Variants in RUVBL2 observed in about 807,000 individuals in gnomAD.
RUVBL2 encodes the protein RuvB like AAA ATPase 2.
Under a neutral mutation model 57.9 loss-of-function variants are expected in RUVBL2, and 9 were observed. The observed-to-expected ratio is 0.16, with a 90% confidence interval of 0.09 to 0.27. The LOEUF (loss-of-function observed/expected upper bound fraction) is 0.27, where lower values mean the gene tolerates loss of function less well. Among genes scored for constraint, RUVBL2 ranks in the 10% least tolerant of loss-of-function variants. RUVBL2 has a pLI of 1.00. For synonymous variants in RUVBL2, 278 were observed against 264.6 expected, an observed-to-expected ratio of 1.05 and a Z score of -0.49; for missense variants, 456 against 669.6, an observed-to-expected ratio of 0.68 and a Z score of 3.52.
Position 49,007,095 on chromosome 19 carries a change from A to G in RUVBL2, c.343A>G (p.Lys115Glu). The G allele has an allele frequency of 6.2e-7, 1 of 1,613,310 alleles. No individual in the cohort carries two copies. The highest frequency in any genetic ancestry group is 1.6e-4 in the Middle Eastern group (1 of 6,062). ...GSEIFSLEMS[K>E]TEALTQAFRR... is the part of the protein sequence containing the mutation. ...TGAAATCTTCTCCCTGGAGATGAGC[A>G]AGACCGAGGCGCTGACGCAGGCCTT... Residue 115 changes from lysine to glutamate, a missense_variant, in exon 5 of 15, where the codon AAG (lysine) becomes GAG (glutamate). This residue lies in a region of RUVBL2 where 233 missense variants were observed against 306.0 expected (regional missense o/e 0.76). Transcript: ENST00000595090.
chr19:49,006,979 C>A, intron 4 of RUVBL2, 39 bp from the exon 5 acceptor site: 1 of 1,601,604 alleles, frequency 6.2e-7, no homozygotes, highest in Non-Finnish European at 8.5e-7. Context: ...GGACCTGGTG[C>A]CAGAGCGGCT....
chr19:49,006,926 C>A, intron 4 of RUVBL2, 92 bp from the exon 5 acceptor site: 1 of 1,535,588 alleles, frequency 6.5e-7, no homozygotes, highest in Non-Finnish European at 8.8e-7. Context: ...ACCCTCTTTC[C>A]TGGGGTGGGA....
intron 11 of RUVBL2, 23 bp from the exon 12 acceptor site, chr19:49,014,461 C>A (rs1190016538): frequency 6.2e-7 from 1 of 1,609,222 alleles, no homozygotes; most frequent in Non-Finnish European, 8.5e-7. Flanking sequence ...CCTGACAGCC[C>A]CCTCTTTCTG....
chr19:49,004,617 A>G (rs1235459546), intron 4 of RUVBL2, among the ~76,000 whole-genome samples, 199 bp downstream of exon 4: 1 of 152,144 alleles, frequency 6.6e-6, no homozygotes, highest in Non-Finnish European at 1.5e-5. Flanking sequence ...GAAGTCTTCC[A>G]TCTTCCTGCC....
chr19:49,006,123 G>A (rs1352758766), intron 4 of RUVBL2, among the ~76,000 whole-genome samples: 1 of 152,250 alleles, frequency 6.6e-6, no homozygotes, highest in Non-Finnish European at 1.5e-5. Context: ...GATGGCATGG[G>A]CCGTGCTCGT....
rs1202539940 is a variant in RUVBL2 at position 49,011,088 on chromosome 19, C to G, written c.877C>G (p.Pro293Ala). ...WREEGKAEII[P>A]GVLFIDEVHM... ...CGAGGAGGGCAAGGCGGAGATCATC[C>G]CTGGAGTGAGGACCCAGGACATGGC... Residue 293 changes from proline (P) to alanine (A), a missense_variant, in exon 10 of 15, where the codon CCT (proline) becomes GCT (alanine). Pro to Ala is a conservative substitution (Grantham distance 27). This residue lies in a region of RUVBL2 where 130 missense variants were observed against 243.0 expected (regional missense o/e 0.53). Transcript: ENST00000595090. The surrounding 1 kb of genome is among the most constrained non-coding windows in gnomAD (Gnocchi z 4.4). 6.2e-7 allele frequency: 1 copy of G among 1,612,910 alleles called. No homozygotes were observed. Among genetic ancestry groups the G allele is most frequent in the South Asian group, 1.1e-5 (1 of 90,674 alleles).
Position 49,010,554 on chromosome 19 carries a change from C to G in RUVBL2, c.730C>G (p.Leu244Val), listed in dbSNP as rs748005433. Residue 244 changes from leucine (L) to valine (V), a missense_variant, in exon 9 of 15, where the codon CTG becomes GTG. This residue lies in a region of RUVBL2 where 233 missense variants were observed against 306.0 expected (regional missense o/e 0.76). Transcript: ENST00000595090. ...CAAGGAGGTGGTGCACACCGTGTCC[C>G]TGCACGAGATCGACGTCATCAACTC... is the stretch of plus-strand genomic sequence containing the variant. ...KRKEVVHTVSLHEIDVINSRT... is the reference protein window; with the variant it reads ...KRKEVVHTVSVHEIDVINSRT... The G allele has an allele frequency of 1.9e-6, 3 of 1,613,416 alleles. No individual in the cohort carries two copies. The highest frequency in any genetic ancestry group is 1.3e-5 in the African/African-American group (1 of 74,752).
chr19:49,004,097 CAG>C (rs2039235906), intron 3 of RUVBL2, 178 bp from the exon 4 acceptor site: 7 of 751,194 alleles, frequency 9.3e-6, no homozygotes, highest in South Asian at 1.9e-5. Flanking sequence ...GCCTGGGTGA[CAG>C]AGCGAGATCT....
rs1394166635 is a variant in RUVBL2 at position 49,011,336 on chromosome 19, G to A, written c.1001+26G>A. 2 of 1,578,626 alleles carry A rather than the reference G, an allele frequency of 1.3e-6. No individual in the cohort carries two copies. The highest frequency in any genetic ancestry group is 2.2e-5 in the East Asian group (1 of 44,740). ...GTGAGCCGGCTACAGGGGCCTCTGG[G>A]GAAAACAGGATGCTCTGGGCAGTGG... On this transcript the variant is annotated intron_variant, in intron 11 of 14. Coordinates refer to ENST00000595090, the MANE Select transcript of RUVBL2 (RefSeq NM_006666.3). This position sits in a 1 kb window ranked among gnomAD's most constrained non-coding sequence, Gnocchi z 4.4.
intron 4 of RUVBL2, 109 bp downstream of exon 4, chr19:49,004,527 T>G: frequency 9.3e-7 from 1 of 1,069,916 alleles, no homozygotes; most frequent in Non-Finnish European, 1.4e-6. Context: ...AAAATGGCAG[T>G]GGCTTAAACA....
intron 12 of RUVBL2, among the ~76,000 whole-genome samples, 173 bp from the exon 13 acceptor site, chr19:49,014,848 G>A (rs2039511851): frequency 6.6e-6 from 1 of 152,166 alleles, no homozygotes; most frequent in Non-Finnish European, 1.5e-5. Flanking sequence ...CTCGGTTTTA[G>A]GTCCAGCCCA....
upstream of RUVBL2, chr19:48,993,650 T>C (rs2038990391): frequency 1.7e-6 from 1 of 587,800 alleles, no homozygotes; most frequent in East Asian, 2.8e-5. Flanking sequence ...GCAATCGGCC[T>C]GAGCGGGGCG....
chr19:49,014,932 G>T, intron 12 of RUVBL2, 89 bp from the exon 13 acceptor site: 1 of 1,488,184 alleles, frequency 6.7e-7, no homozygotes, highest in Non-Finnish European at 9.1e-7. Context: ...ATTCCCAGTG[G>T]GGAAGGGCCA....
intron 11 of RUVBL2, among the ~76,000 whole-genome samples, chr19:49,013,264 A>ATTTT (rs776153588): frequency 3.7e-5 from 5 of 134,338 alleles, no homozygotes; most frequent in South Asian, 4.8e-4. Flanking sequence ...GTCCGGCCTA[A>ATTTT]TTTTTTTTTT....
intron 1 of RUVBL2, among the ~76,000 whole-genome samples, chr19:48,998,257 C>G (rs2039102925): frequency 6.6e-6 from 1 of 152,170 alleles, no homozygotes; most frequent in Non-Finnish European, 1.5e-5. Context: ...GACTCAGGGG[C>G]CAGCATGTGC....
intron 4 of RUVBL2, among the ~76,000 whole-genome samples, chr19:49,006,549 G>C (rs1024527157): frequency 1.2e-4 from 18 of 152,246 alleles, no homozygotes; most frequent in Non-Finnish European, 8.8e-5. Context: ...GGCTCAGGGA[G>C]CAGTTCAGAT....
Position 49,011,464 on chromosome 19 carries a change from G to C in RUVBL2, c.1001+154G>C, listed in dbSNP as rs986085153. Among the ~76,000 whole-genome samples the C allele has an allele frequency of 6.6e-6, 1 of 152,182 alleles. No homozygotes were observed. Among genetic ancestry groups the C allele is most frequent in the African/African-American group, 2.4e-5 (1 of 41,436 alleles). On this transcript the variant is annotated intron_variant, in intron 11 of 14. Transcript: ENST00000595090. The surrounding 1 kb of genome is among the most constrained non-coding windows in gnomAD (Gnocchi z 4.4). ...GCTTACAAAAGGCGGGTGGGAGGCA[G>C]CTCTGCTTCCCGAGGAAGCCCAGAG... is the stretch of plus-strand genomic sequence containing the variant.
chr19:49,010,880 C>T, intron 9 of RUVBL2, 119 bp from the exon 10 acceptor site: 5 of 984,764 alleles, frequency 5.1e-6, no homozygotes, highest in Non-Finnish European at 7.8e-6. Flanking sequence ...CTCCTCATCC[C>T]TCCTTGCTTT....
rs532791486 is a variant in RUVBL2, at chr19:49,011,435, C to T, written c.1001+125C>T. ...GGGACGCGTGACTGCAGTGTGCGCT[C>T]TTTGCTTACAAAAGGCGGGTGGGAG... On this transcript the variant is annotated intron_variant, in intron 11 of 14. Transcript: ENST00000595090. The surrounding 1 kb of genome is among the most constrained non-coding windows in gnomAD (Gnocchi z 4.4). 1 of 730,850 alleles carries T rather than the reference C, an allele frequency of 1.4e-6. No homozygotes were observed. The highest frequency in any genetic ancestry group is 1.7e-5 in the African/African-American group (1 of 57,820). 45.3% of individuals were successfully genotyped at this position (730,850 alleles called of 1,614,324 possible).
Sources: gnomAD v4.1 joint callset for allele counts (sites outside exome capture counted in the v4.1 genomes callset) on GRCh38, gnomAD v4.1.1 for gene constraint, gnomAD v4.1.1 regional missense constraint, Gnocchi (gnomAD v3.1) non-coding constraint, MANE v1.5 for transcripts, NCBI Gene and HGNC (gene_info 2026-07-23, HGNC 2026-07-21) for gene names.